The following PHLPP1 variants were observed in gnomAD, a reference collection of about 807,000 sequenced individuals.
PHLPP1 encodes PH domain leucine-rich repeat-containing protein phosphatase 1.
In PHLPP1, 42 loss-of-function variants were observed where a neutral mutation model predicts 117.2. The observed-to-expected ratio is 0.36, with a 90% CI of 0.28 to 0.46. The LOEUF (loss-of-function observed/expected upper bound fraction) is 0.46. PHLPP1 is among the 20% of genes least tolerant of loss of function. The pLI, the probability that PHLPP1 is intolerant of heterozygous loss-of-function variation, is 1.00. For missense variants in PHLPP1, 2,084 were observed against 2,241.9 expected (o/e 0.93, Z 1.42); for synonymous variants, 1,042 against 970.7 (o/e 1.07, Z -1.37).
chr18:62,821,708 A>G (rs1487370325), intron 1 of PHLPP1, among the ~76,000 whole-genome samples: 1 of 151,950 alleles, frequency 6.6e-6, no homozygotes, highest in African/African-American at 2.4e-5. Flanking sequence ...AAGAGGTGAC[A>G]TCATTACAGA....
intron 12 of PHLPP1, among the ~76,000 whole-genome samples, chr18:62,954,244 G>C (rs1011428614): frequency 1.3e-5 from 2 of 152,282 alleles, no homozygotes; most frequent in Middle Eastern, 3.4e-3. Context: ...TTATAACAAA[G>C]TAATTTTTGT....
chr18:62,979,541 T>G lies in PHLPP1; in HGVS notation c.*110T>G. On this transcript the variant is annotated 3_prime_UTR_variant, in exon 17 of 17. Transcript: ENST00000262719. ...TACTCCACATCCTTCCCCCAGACAC[T>G]GTTCCCAACCTGTCATCGCAGCTAA... The G allele has an allele frequency of 4.1e-6, 5 of 1,223,110 alleles. No individual in the cohort carries two copies. The highest frequency in any genetic ancestry group is 5.6e-6 in the Non-Finnish European group (5 of 889,142). The allele number at this position is 1,223,110 out of a possible 1,614,324, so 75.8% of individuals were successfully genotyped here. A position where few individuals can be genotyped will look rare whatever the true frequency, so the allele number is the denominator to read the frequency against.
At chr18:62,808,288 G>A (rs1914009141) in intron 1 of PHLPP1, among the ~76,000 whole-genome samples, 1 of 152,156 alleles carries the variant, frequency 6.6e-6, no homozygotes, top group Non-Finnish European at 1.5e-5. Flanking sequence ...CTGGATTCAA[G>A]TGAAGAAGAC....
chr18:62,928,713 T>C (rs1006950456), intron 10 of PHLPP1, among the ~76,000 whole-genome samples: 1 of 152,176 alleles, frequency 6.6e-6, no homozygotes, highest in Non-Finnish European at 1.5e-5. Context: ...TGAATGTTGA[T>C]AGCAACATTA....
In PHLPP1 at chr18:62,830,219, A is replaced by G. The variant is rs1322982711; in HGVS notation, c.1761A>G (p.Leu587=). ...SLTGKMHVLP[L]IGGKVEEVKK... is the part of the protein sequence containing the mutation. ...CCGGAAAGATGCATGTTCTGCCACT[A>G]ATTGGTGGAAAAGTAAGTTTGTTTG... The change falls in exon 2 of 17, where the codon CTA becomes CTG. Residue 587 remains leucine, a synonymous_variant. Transcript: ENST00000262719. 1 of 1,554,884 alleles carries G rather than the reference A, an allele frequency of 6.4e-7. No homozygotes were observed.
intron 1 of PHLPP1, among the ~76,000 whole-genome samples, chr18:62,794,863 T>C (rs1486362687): frequency 6.6e-6 from 1 of 152,160 alleles, no homozygotes; most frequent in Non-Finnish European, 1.5e-5. Context: ...CTGGGGAAGA[T>C]TTGTTTCTAA....
At chr18:62,724,145 CTG>C (rs887202907) in intron 1 of PHLPP1, among the ~76,000 whole-genome samples, 10 of 152,276 alleles carry the variant, frequency 6.6e-5, no homozygotes, top group African/African-American at 2.4e-4. Context: ...ACCCCGTTCC[CTG>C]TCATTCCTAC....
intron 1 of PHLPP1, among the ~76,000 whole-genome samples, chr18:62,731,575 T>A (rs1016048626): frequency 1.3e-5 from 2 of 152,136 alleles, no homozygotes; most frequent in Admixed American, 1.3e-4. Context: ...TATAAAGGCC[T>A]AAGTGTTCAA....
intron 1 of PHLPP1, among the ~76,000 whole-genome samples, chr18:62,765,986 A>G (rs542121698): frequency 2.2e-4 from 31 of 143,600 alleles, no homozygotes; most frequent in Non-Finnish European, 4.5e-4. Flanking sequence ...CGACAGAGCG[A>G]GAAGGGGGAG....
chr18:62,837,072 C>A (rs988925637), intron 2 of PHLPP1, among the ~76,000 whole-genome samples: 5 of 152,200 alleles, frequency 3.3e-5, no homozygotes, highest in Non-Finnish European at 4.4e-5. Flanking sequence ...GCCTTGACCT[C>A]CCCAGGCTTG....
intron 12 of PHLPP1, among the ~76,000 whole-genome samples, chr18:62,951,864 G>A (rs952381274): frequency 1.4e-5 from 2 of 140,710 alleles, no homozygotes; most frequent in South Asian, 2.2e-4. Context: ...GCCCAGGCTC[G>A]AGTGCAATGG....
chr18:62,862,046 A>G (rs1238615658), intron 4 of PHLPP1, among the ~76,000 whole-genome samples: 2 of 152,152 alleles, frequency 1.3e-5, no homozygotes, highest in Non-Finnish European at 2.9e-5. Flanking sequence ...ATGGAATTTT[A>G]AGAATTCACA....
At chr18:62,735,923 A>G (rs1161044922) in intron 1 of PHLPP1, among the ~76,000 whole-genome samples, 4 of 152,084 alleles carry the variant, frequency 2.6e-5, no homozygotes, top group African/African-American at 9.7e-5. Context: ...CATTGTGCAC[A>G]TGTACCCTAA....
chr18:62,752,133 A>C (rs1911874408), intron 1 of PHLPP1, among the ~76,000 whole-genome samples: 1 of 152,222 alleles, frequency 6.6e-6, no homozygotes, highest in Non-Finnish European at 1.5e-5. Context: ...GCTGGAGTGC[A>C]GTGGCATGAA....
intron 8 of PHLPP1, among the ~76,000 whole-genome samples, chr18:62,913,904 C>T (rs552261851): frequency 5.9e-4 from 90 of 151,972 alleles, no homozygotes; most frequent in African/African-American, 2.1e-3. Context: ...CCACCACACC[C>T]GGCTAATTTT....
At chr18:62,802,613 A>G (rs564394881) in intron 1 of PHLPP1, among the ~76,000 whole-genome samples, 1 of 152,330 alleles carries the variant, frequency 6.6e-6, no homozygotes, top group African/African-American at 2.4e-5. Flanking sequence ...GTACTTAACA[A>G]GCACTTAATA....
rs1235066434 is a variant in PHLPP1, at chr18:62,838,885, A to G, written c.1875A>G (p.Leu625=). The G allele has an allele frequency of 6.2e-7, 1 of 1,613,874 alleles. No individual in the cohort carries two copies. Among genetic ancestry groups the G allele is most frequent in the Admixed American group, 1.7e-5 (1 of 60,020 alleles). ...YICFDTFTEY[L]RWLRQVSKVA... ...GCTTTGATACTTTCACAGAATACTT[A>G]AGGTGGCTGCGACAAGTCTCCAAGG... is the stretch of plus-strand genomic sequence containing the variant. Residue 625 remains leucine (L), a synonymous_variant, in exon 3 of 17, where the codon TTA becomes TTG. Coordinates refer to ENST00000262719, the MANE Select transcript of PHLPP1 (RefSeq NM_194449.4).
At chr18:62,864,458 G>T (rs1915719890) in intron 4 of PHLPP1, among the ~76,000 whole-genome samples, 1 of 152,236 alleles carries the variant, frequency 6.6e-6, no homozygotes, top group Non-Finnish European at 1.5e-5. Context: ...ATTCAAGGTA[G>T]AGAGGAGGTC....
intron 1 of PHLPP1, among the ~76,000 whole-genome samples, chr18:62,824,961 C>T (rs1914569986): frequency 1.4e-5 from 2 of 146,392 alleles, no homozygotes; most frequent in Admixed American, 7.1e-5. Flanking sequence ...GACTCTTGCT[C>T]TGTCACCTAG....
Sources: gnomAD v4.1 joint callset for allele counts (sites outside exome capture counted in the v4.1 genomes callset) on GRCh38, gnomAD v4.1.1 for gene constraint, MANE v1.5 for transcripts, NCBI Gene and HGNC (gene_info 2026-07-23, HGNC 2026-07-21) for gene names.